PCDHGA1: variants seen among roughly 807,000 people sequenced by gnomAD.
The protein encoded by PCDHGA1 is protocadherin gamma-A1.
PCDHGA1 carries 32 observed loss-of-function variants against 58.0 expected under a neutral mutation model. The ratio of observed to expected loss-of-function variants is 0.55; its 90% CI spans 0.42 to 0.74. PCDHGA1 has a LOEUF of 0.74. PCDHGA1 is among the 30% of genes least tolerant of loss of function. The pLI is 0.00. For missense variants in PCDHGA1, 1,205 were observed against 1,182.3 expected, an observed-to-expected ratio of 1.02 and a Z score of -0.28; for synonymous variants, 498 against 501.1, an observed-to-expected ratio of 0.99 and a Z score of 0.08.
In PCDHGA1 at chr5:141,431,501, C is replaced by G; in HGVS notation, c.2422-63306C>G. On this transcript the variant is annotated intron_variant, in intron 1 of 3. Coordinates refer to ENST00000517417, the MANE Select transcript of PCDHGA1 (RefSeq NM_018912.3). This position sits in a 1 kb window ranked among gnomAD's most constrained non-coding sequence, Gnocchi z 4.8. ...ACCAGCGTTTGCTCAGCCCGAGTAC[C>G]GCGCGAGCGTTCCGGAGAATCTGGC... is the stretch of plus-strand genomic sequence containing the variant. 1 of 1,614,010 alleles carries G rather than the reference C, an allele frequency of 6.2e-7. No homozygotes were observed. The highest frequency in any genetic ancestry group is 8.5e-7 in the Non-Finnish European group (1 of 1,180,034).
At chr5:141,420,625 T>C (rs1440415745) in intron 1 of PCDHGA1, among the ~76,000 whole-genome samples, 1 of 152,242 alleles carries the variant, frequency 6.6e-6, no homozygotes, top group Non-Finnish European at 1.5e-5. Flanking sequence ...CTTCATTTAC[T>C]CAATAAAGGA....
In PCDHGA1 at chr5:141,332,834, G is replaced by A. The variant is rs777400820; in HGVS notation, c.2150G>A (p.Arg717Gln). 3.7e-6 allele frequency: 6 copies of A among 1,614,106 alleles called. No individual in the cohort carries two copies. Among genetic ancestry groups the A allele is most frequent in the South Asian group, 1.1e-5 (1 of 91,090 alleles). ...ATCGTGCTGCTGGCGCACAGGCTGCGGCGCTGGCACAAGTCACGTCTGCTA... is the reference window on the plus strand; with the variant it reads ...ATCGTGCTGCTGGCGCACAGGCTGCAGCGCTGGCACAAGTCACGTCTGCTA... ...FVIVLLAHRL[R>Q]RWHKSRLLQA... The change falls in exon 1 of 4, where the codon CGG (arginine) becomes CAG (glutamine). Residue 717 changes from arginine to glutamine, a missense_variant. Transcript: ENST00000517417. This position sits in a 1 kb window ranked among gnomAD's most constrained non-coding sequence, Gnocchi z 4.6.
intron 1 of PCDHGA1, among the ~76,000 whole-genome samples, chr5:141,451,498 C>A (rs2098717552): frequency 6.6e-6 from 1 of 152,208 alleles, no homozygotes; most frequent in South Asian, 2.1e-4. Flanking sequence ...CTCCATAGGG[C>A]AACCAGCTTC....
chr5:141,372,799 A>G (rs1769080872), intron 1 of PCDHGA1: 7 of 1,596,852 alleles, frequency 4.4e-6, no homozygotes, highest in Non-Finnish European at 5.1e-6. Flanking sequence ...AATTCAGGCA[A>G]TTTGCAAAAG....
chr5:141,464,419 A>G (rs2099083824), intron 1 of PCDHGA1, among the ~76,000 whole-genome samples: 1 of 151,768 alleles, frequency 6.6e-6, no homozygotes, highest in South Asian at 2.1e-4. Context: ...ATATATCTAT[A>G]TATATAGATA....
intron 1 of PCDHGA1, chr5:141,423,461 A>G (rs1590478217): frequency 6.2e-7 from 1 of 1,613,982 alleles, no homozygotes; most frequent in Non-Finnish European, 8.5e-7. Context: ...GTAGGCGTGG[A>G]CGGGGTACAG....
intron 1 of PCDHGA1, chr5:141,372,195 A>T: frequency 4.3e-6 from 7 of 1,613,560 alleles, no homozygotes; most frequent in Non-Finnish European, 5.9e-6. Flanking sequence ...CTCGGGATAC[A>T]ACGCCTGGCT....
rs757588144 is a variant in PCDHGA1 at position 141,361,653 on chromosome 5, C to T, written c.2421+28548C>T. 10 of 1,613,652 alleles carry T rather than the reference C, an allele frequency of 6.2e-6. No individual in the cohort carries two copies. The South Asian group carries it at 8.8e-5, about 14-fold the overall frequency. On this transcript the variant is annotated intron_variant, in intron 1 of 3. Transcript: ENST00000517417. ...CGCGGGAGATTTTATCCTACGTGTC[C>T]GTGAGCGCGCAGAGCGGGGTGGTGT...
intron 1 of PCDHGA1, among the ~76,000 whole-genome samples, chr5:141,472,991 AAAAAAAGAAAGAAAAAG>A (rs2099310051): frequency 6.6e-6 from 1 of 151,894 alleles, no homozygotes; most frequent in Admixed American, 6.6e-5. Flanking sequence ...AAAAAAAAAA[AAAAAAAGAAAGAAAAAG>A]AAAAAGAAAG....
At position 141,486,059 on chromosome 5, in the gene PCDHGA1, C is replaced by T. The variant is rs141349392; in HGVS notation, c.2422-8748C>T. ...TCGTGTAAGAAACCTCTTTAGCCTG[C>T]ACCCCACTACTGGAAAGCTTACTCT... On this transcript the variant is annotated intron_variant, in intron 1 of 3. Transcript: ENST00000517417. The surrounding 1 kb of genome is among the most constrained non-coding windows in gnomAD (Gnocchi z 5.0). The T allele has an allele frequency of 9.0e-5, 146 of 1,614,034 alleles. No individual in the cohort carries two copies. The highest frequency in any genetic ancestry group is 1.2e-4 in the Non-Finnish European group (138 of 1,180,018).
In PCDHGA1 at chr5:141,432,612, C is replaced by T. The variant is rs752901891; in HGVS notation, c.2422-62195C>T. 1.9e-6 allele frequency: 3 copies of T among 1,613,912 alleles called. No individual in the cohort carries two copies. The highest frequency in any genetic ancestry group is 2.5e-6 in the Non-Finnish European group (3 of 1,179,970). On this transcript the variant is annotated intron_variant, in intron 1 of 3. Transcript: ENST00000517417. The surrounding 1 kb of genome is among the most constrained non-coding windows in gnomAD (Gnocchi z 6.0). ...AAGGCCAGCGAGCCGGGACTCTTCT[C>T]GGTGGGTCTGCACACGGGCGAGGTG...
chr5:141,339,408 C>T, intron 1 of PCDHGA1: 1 of 1,614,228 alleles, frequency 6.2e-7, no homozygotes, highest in Non-Finnish European at 8.5e-7. Flanking sequence ...AGTGAAACCA[C>T]TACGCCAGGA....
At chr5:141,503,099 C>T (rs1286557930) in intron 2 of PCDHGA1, among the ~76,000 whole-genome samples, 1 of 151,884 alleles carries the variant, frequency 6.6e-6, no homozygotes, top group Non-Finnish European at 1.5e-5. Context: ...GTGGTCTGCC[C>T]GCCCCTGCCT....
At chr5:141,462,996 G>A (rs2099050826) in intron 1 of PCDHGA1, among the ~76,000 whole-genome samples, 1 of 152,082 alleles carries the variant, frequency 6.6e-6, no homozygotes, top group South Asian at 2.1e-4. Flanking sequence ...GGCTAATTTA[G>A]ACCTACCACT....
chr5:141,404,215 G>A, intron 1 of PCDHGA1: 1 of 1,613,346 alleles, frequency 6.2e-7, no homozygotes, highest in Non-Finnish European at 8.5e-7. Context: ...ATAATATCAC[G>A]GTGACTGCAA....
chr5:141,350,471 T>G (rs1758484390), intron 1 of PCDHGA1: 1 of 1,613,842 alleles, frequency 6.2e-7, no homozygotes, highest in African/African-American at 1.3e-5. Flanking sequence ...TGCAGAGGAT[T>G]ATTTCAACGT....
chr5:141,331,721 A>G lies in PCDHGA1; in HGVS notation c.1037A>G (p.Glu346Gly). ...KVLDVNDNAP[E>G]VTITSVTTAV... ...TTGGATGTAAATGATAATGCCCCAG[A>G]AGTGACCATCACCTCTGTCACCACT... The change falls in exon 1 of 4, where the codon GAA (glutamate) becomes GGA (glycine). Residue 346 changes from glutamate to glycine, a missense_variant. Glu to Gly is a moderately conservative substitution (Grantham distance 98). Transcript: ENST00000517417. 1.2e-6 allele frequency: 2 copies of G among 1,614,074 alleles called. No individual in the cohort carries two copies. Among genetic ancestry groups the G allele is most frequent in the Non-Finnish European group, 1.7e-6 (2 of 1,180,020 alleles).
intron 1 of PCDHGA1, among the ~76,000 whole-genome samples, chr5:141,456,917 C>G (rs1005360691): frequency 2.6e-5 from 4 of 152,032 alleles, no homozygotes; most frequent in Non-Finnish European, 5.9e-5. Context: ...GAGCCGAGAT[C>G]GCACCACTGC....
In PCDHGA1 at chr5:141,490,175, A is replaced by C; in HGVS notation, c.2422-4632A>C. The C allele has an allele frequency of 1.9e-6, 3 of 1,614,194 alleles. No homozygotes were observed. Among genetic ancestry groups the C allele is most frequent in the East Asian group, 4.5e-5 (2 of 44,884 alleles). On this transcript the variant is annotated intron_variant, in intron 1 of 3. Coordinates refer to ENST00000517417, the MANE Select transcript of PCDHGA1 (RefSeq NM_018912.3). This position sits in a 1 kb window ranked among gnomAD's most constrained non-coding sequence, Gnocchi z 5.4. ...GTGTTGGGTCCCATAGACTTTGAGG[A>C]GTCACGTTTCTATGAAATTCATGCA...
Sources: allele counts gnomAD v4.1 joint callset (sites outside exome capture counted in the v4.1 genomes callset), GRCh38; gene constraint gnomAD v4.1.1; non-coding constraint Gnocchi (gnomAD v3.1); transcripts MANE v1.5; gene names NCBI Gene and HGNC (gene_info 2026-07-23, HGNC 2026-07-21).